TRPM8: variants seen among roughly 807,000 people sequenced by gnomAD.
TRPM8 encodes transient receptor potential cation channel subfamily M member 8, also known as TRPM8 cationic channel.
TRPM8 carries 110 observed loss-of-function variants against 133.7 expected under a neutral mutation model. The ratio of observed to expected loss-of-function variants is 0.82; its 90% CI spans 0.70 to 0.96. The LOEUF (loss-of-function observed/expected upper bound fraction) is 0.96, where lower values mean the gene tolerates loss of function less well. TRPM8 is among the 40% of genes least tolerant of loss of function. The pLI is 0.00. For synonymous variants in TRPM8, 535 were observed against 532.3 expected, an observed-to-expected ratio of 1.01 and a Z score of -0.07; for missense variants, 1,291 against 1,379.5, an observed-to-expected ratio of 0.94 and a Z score of 1.02.
chr2:234,006,305 A>G (rs913064567), intron 22 of TRPM8, among the ~76,000 whole-genome samples: 3 of 152,182 alleles, frequency 2.0e-5, no homozygotes, highest in Non-Finnish European at 4.4e-5. Context: ...ATCTTACTGG[A>G]ATATGTCCCA....
intron 24 of TRPM8, among the ~76,000 whole-genome samples, chr2:234,012,588 C>T (rs1011439755): frequency 6.6e-6 from 1 of 151,718 alleles, no homozygotes; most frequent in Non-Finnish European, 1.5e-5. Context: ...ATTTAGATGC[C>T]TTTTCTTTTC....
At chr2:234,006,822 T>C in intron 22 of TRPM8, 31 bp from the exon 23 acceptor site, 1 of 1,536,950 alleles carries the variant, frequency 6.5e-7, no homozygotes, top group African/African-American at 1.4e-5. Context: ...AATGAAACAA[T>C]TTGAATGTTT....
chr2:233,983,560 G>A (rs913159249), intron 20 of TRPM8, among the ~76,000 whole-genome samples: 2 of 152,208 alleles, frequency 1.3e-5, no homozygotes, highest in Non-Finnish European at 2.9e-5. Context: ...TAACAGAGTG[G>A]CTGGGCTCCC....
At chr2:234,016,602 T>C (rs1317311875) in intron 25 of TRPM8, among the ~76,000 whole-genome samples, 1 of 152,144 alleles carries the variant, frequency 6.6e-6, no homozygotes, top group Non-Finnish European at 1.5e-5. Flanking sequence ...CCTGTACCAA[T>C]TCCCCCATCT....
At chr2:233,948,998 C>T (rs964588876) in intron 8 of TRPM8, among the ~76,000 whole-genome samples, 9 of 152,148 alleles carry the variant, frequency 5.9e-5, no homozygotes, top group Non-Finnish European at 4.4e-5. Context: ...TGCGCCATTG[C>T]ACTCCAGCCT....
intron 18 of TRPM8, 68 bp downstream of exon 18, chr2:233,980,347 G>A: frequency 9.2e-7 from 1 of 1,084,114 alleles, no homozygotes; most frequent in Non-Finnish European, 1.3e-6. Context: ...AAGCTCTGCA[G>A]ACATTTCAAA....
intron 20 of TRPM8, among the ~76,000 whole-genome samples, chr2:233,984,555 A>G (rs1475348079): frequency 6.6e-6 from 1 of 151,962 alleles, no homozygotes; most frequent in African/African-American, 2.4e-5. Flanking sequence ...AGTTTTGTTG[A>G]TTTTTATCTC....
chr2:233,978,084 T>TA (rs1691913815), intron 17 of TRPM8, among the ~76,000 whole-genome samples: 6 of 149,758 alleles, frequency 4.0e-5, no homozygotes, highest in Non-Finnish European at 9.0e-5. Context: ...CAATTTGCTT[T>TA]TTTTTTTTTT....
chr2:233,925,870 G>A (rs1216907826), intron 1 of TRPM8, among the ~76,000 whole-genome samples: 2 of 151,944 alleles, frequency 1.3e-5, no homozygotes, highest in African/African-American at 4.8e-5. Flanking sequence ...TGAAGTATGG[G>A]ATGGGGGCAT....
intron 11 of TRPM8, among the ~76,000 whole-genome samples, chr2:233,958,418 G>A (rs1186013406): frequency 6.6e-6 from 1 of 152,162 alleles, no homozygotes; most frequent in Non-Finnish European, 1.5e-5. Context: ...TCCTGGACTG[G>A]TGGCGGCCTG....
rs999839606 is a variant in TRPM8 at position 233,949,882 on chromosome 2, C to T, written c.943-67C>T. On this transcript the variant is annotated intron_variant, in intron 8 of 25. Transcript: ENST00000324695. ...TGTTTCCTCCAGCTTGGCTCAGAAC[C>T]TTAGTCCAGAGCTGGGTTCTGTGGA... 10 of 1,499,638 alleles carry T rather than the reference C, an allele frequency of 6.7e-6. No homozygotes were observed. In the African/African-American group the frequency reaches 9.6e-5, roughly 14 times the overall value. The allele number at this position is 1,499,638 out of a possible 1,614,324, so 92.9% of individuals were successfully genotyped here. A position where few individuals can be genotyped will look rare whatever the true frequency, so the allele number is the denominator to read the frequency against.
At chr2:233,927,762 CTTT>C (rs1559515996) in intron 2 of TRPM8, among the ~76,000 whole-genome samples, 12 of 71,380 alleles carry the variant, frequency 1.7e-4, no homozygotes, top group African/African-American at 1.2e-3. Context: ...TTCTTTCTTT[CTTT>C]CTTTCTTTCT....
rs140979553 is a variant in TRPM8, at chr2:234,003,851, G to A, written c.3131-3002G>A. ...GGAGGAGGGGCTGCATGGGATAAAG[G>A]TCCATTCTCCAAAGATACATTGTAC... On this transcript the variant is annotated intron_variant, in intron 22 of 25. Transcript: ENST00000324695. Among the ~76,000 whole-genome samples the A allele has an allele frequency of 2.0e-5, 3 of 152,244 alleles. No homozygotes were observed. In the East Asian group the frequency reaches 5.8e-4, roughly 29 times the overall value.
intron 21 of TRPM8, among the ~76,000 whole-genome samples, chr2:233,993,230 A>G (rs993103150): frequency 6.6e-6 from 1 of 152,168 alleles, no homozygotes; most frequent in Non-Finnish European, 1.5e-5. Context: ...TTGTCTGGGA[A>G]AGCATTGCTG....
intron 2 of TRPM8, among the ~76,000 whole-genome samples, chr2:233,927,860 C>CTCTTTCTTTCTT (rs1176809297): frequency 0.013 from 308 of 24,084 alleles, 37 homozygotes; most frequent in East Asian, 0.02. Flanking sequence ...TCCTTTCTTT[C>CTCTTTCTTTCTT]TCTTTCTTTC....
At chr2:233,984,057 C>A (rs560980372) in intron 20 of TRPM8, among the ~76,000 whole-genome samples, 1 of 152,182 alleles carries the variant, frequency 6.6e-6, no homozygotes, top group Admixed American at 6.5e-5. Flanking sequence ...CAGAAGCAGA[C>A]GCATTTCATC....
chr2:233,967,461 T>A (rs1313085270), intron 15 of TRPM8, among the ~76,000 whole-genome samples: 1 of 152,226 alleles, frequency 6.6e-6, no homozygotes, highest in Admixed American at 6.5e-5. Flanking sequence ...CATTTCATCT[T>A]CACAGCACCT....
At position 233,966,609 on chromosome 2, in the gene TRPM8, G is replaced by A; in HGVS notation, c.1880-1G>A. 2 of 1,614,038 alleles carry A rather than the reference G, an allele frequency of 1.2e-6. No individual in the cohort carries two copies. Among genetic ancestry groups the A allele is most frequent in the Non-Finnish European group, 1.7e-6 (2 of 1,180,018 alleles). ...TTCTCTCTGTGCTGATGTCGCTGTAGAGCTGTTCACTGAGTGTTACAGCAG... is the reference window on the plus strand; with the variant it reads ...TTCTCTCTGTGCTGATGTCGCTGTAAAGCTGTTCACTGAGTGTTACAGCAG... On this transcript the variant is annotated splice_acceptor_variant, in intron 14 of 25. Transcript: ENST00000324695. LOFTEE classifies it high-confidence loss of function.
At chr2:233,953,683 A>G in intron 9 of TRPM8, 1 of 387,056 alleles carries the variant, frequency 2.6e-6, no homozygotes. Context: ...GCAGATGCAC[A>G]CATCTCTAGT....
Sources: gnomAD v4.1 joint callset for allele counts (sites outside exome capture counted in the v4.1 genomes callset) on GRCh38, gnomAD v4.1.1 for gene constraint, MANE v1.5 for transcripts, NCBI Gene and HGNC (gene_info 2026-07-23, HGNC 2026-07-21) for gene names.